Variants in SLC24A5 observed in about 807,000 individuals in gnomAD.
SLC24A5 encodes sodium/potassium/calcium exchanger 5.
Under a neutral mutation model 51.6 loss-of-function variants are expected in SLC24A5, and 46 were observed. That is an observed-to-expected ratio of 0.89 (90% CI 0.70 to 1.14). The LOEUF is 1.14. Among genes scored for constraint, SLC24A5 ranks in the 50% most tolerant of loss-of-function variants. SLC24A5 has a pLI of 0.00. For synonymous variants in SLC24A5, 230 were observed against 214.9 expected (o/e 1.07, Z -0.62); for missense variants, 581 against 604.1 (o/e 0.96, Z 0.40).
chr15:48,130,163 T>C (rs2038775347), intron 2 of SLC24A5, among the ~76,000 whole-genome samples: 1 of 152,126 alleles, frequency 6.6e-6, no homozygotes. Flanking sequence ...TTCTACTATA[T>C]CTTCCAGGAT....
Position 48,121,166 on chromosome 15 carries a change from G to A in SLC24A5, c.121+1G>A. The A allele has an allele frequency of 6.2e-7, 1 of 1,610,448 alleles. No homozygotes were observed. Among genetic ancestry groups the A allele is most frequent in the Non-Finnish European group, 8.5e-7 (1 of 1,178,162 alleles). On this transcript the variant is annotated splice_donor_variant, in intron 1 of 8. Coordinates refer to ENST00000341459, the MANE Select transcript of SLC24A5 (RefSeq NM_205850.3). LOFTEE classifies it high-confidence loss of function. Reference sequence around the variant, plus strand: ...CCCCAACGTCTCCCAAGGGCCACAGGTAGGTGGACATTGGGGTCAGTTAGC... The same window carrying A: ...CCCCAACGTCTCCCAAGGGCCACAGATAGGTGGACATTGGGGTCAGTTAGC...
chr15:48,121,346 A>G (rs1392077888), intron 1 of SLC24A5, among the ~76,000 whole-genome samples, 181 bp downstream of exon 1: 6 of 152,188 alleles, frequency 3.9e-5, no homozygotes, highest in Admixed American at 1.3e-4. Flanking sequence ...TCTTAAATAT[A>G]CTCCAAAGTA....
rs753165566 is a variant in SLC24A5, at chr15:48,136,715, G to C, written c.623G>C (p.Gly208Ala). 1.2e-6 allele frequency: 2 copies of C among 1,612,802 alleles called. No homozygotes were observed. Among genetic ancestry groups the C allele is most frequent in the Admixed American group, 1.7e-5 (1 of 59,902 alleles). Residue 208 changes from glycine to alanine, a missense_variant, in exon 6 of 9, where the codon GGA (glycine) becomes GCA (alanine). Coordinates refer to ENST00000341459, the MANE Select transcript of SLC24A5 (RefSeq NM_205850.3). ...GGGGCTTTACTGCTTTTGATATATGGATTGTATGTTTTGGTGCTGTGTTTT... is the reference window on the plus strand; with the variant it reads ...GGGGCTTTACTGCTTTTGATATATGCATTGTATGTTTTGGTGCTGTGTTTT... ...YEGALLLLIY[G>A]LYVLVLCFDI...
chr15:48,121,738 T>C (rs904082985), intron 1 of SLC24A5, 119 bp from the exon 2 acceptor site: 12 of 1,024,630 alleles, frequency 1.2e-5, no homozygotes, highest in Non-Finnish European at 1.8e-5. Context: ...ACATTTTCAG[T>C]GGGTCCTTAA....
intron 2 of SLC24A5, among the ~76,000 whole-genome samples, chr15:48,127,617 G>A (rs944374140): frequency 6.6e-6 from 1 of 152,108 alleles, no homozygotes; most frequent in Admixed American, 6.5e-5. Flanking sequence ...CCAGGAGTTC[G>A]AGACCAGCCT....
rs142497708 is a variant in SLC24A5 at position 48,142,032 on chromosome 15, A to G, written c.1184A>G (p.Lys395Arg). The stretch of plus-strand genomic sequence containing the variant: ...ACAGTATGCTTTTCTTTTGTAGGGA[A>G]AGGAGATATGGCTATGTCTAACATC... ...IASVLVARKG[K>R]GDMAMSNIVG... The change falls in exon 9 of 9, where the codon AAA becomes AGA. Residue 395 changes from lysine to arginine, a missense_variant. Coordinates refer to ENST00000341459, the MANE Select transcript of SLC24A5 (RefSeq NM_205850.3). The G allele has an allele frequency of 8.1e-6, 13 of 1,604,282 alleles. No homozygotes were observed. The African/African-American group carries it at 1.6e-4, about 20-fold the overall frequency.
intron 2 of SLC24A5, among the ~76,000 whole-genome samples, chr15:48,127,585 A>G (rs536163572): frequency 6.6e-6 from 1 of 152,212 alleles, no homozygotes; most frequent in Non-Finnish European, 1.5e-5. Flanking sequence ...TTGGGAGTCC[A>G]AGGTGGGTGG....
chr15:48,139,785 A>C (rs1281446203), intron 7 of SLC24A5: 1 of 152,164 alleles, frequency 6.6e-6, no homozygotes, highest in Non-Finnish European at 1.5e-5. Context: ...AAAGACAAAA[A>C]TAATCTGTAA....
intron 2 of SLC24A5, chr15:48,124,595 TAGG>T (rs139553719): frequency 3.3e-5 from 5 of 152,280 alleles, no homozygotes; most frequent in East Asian, 3.9e-4. Flanking sequence ...AAAATTATCT[TAGG>T]AGAAGTGAAA....
intron 6 of SLC24A5, chr15:48,137,263 G>A: frequency 3.6e-6 from 1 of 277,858 alleles, no homozygotes; most frequent in Non-Finnish European, 6.7e-6. Flanking sequence ...AGAGAAGGGA[G>A]CATTTAAATT....
chr15:48,128,813 G>A (rs1169509935), intron 2 of SLC24A5, among the ~76,000 whole-genome samples: 2 of 152,068 alleles, frequency 1.3e-5, no homozygotes, highest in East Asian at 3.9e-4. Context: ...TAAGTGCTAA[G>A]TACTCAGTAT....
intron 8 of SLC24A5, 83 bp downstream of exon 8, chr15:48,141,297 A>T: frequency 1.7e-6 from 2 of 1,188,560 alleles, no homozygotes; most frequent in Admixed American, 3.9e-5. Flanking sequence ...GTTTACTTCC[A>T]GCCGGGTGTG....
chr15:48,131,650 A>G (rs1380151760), intron 2 of SLC24A5, among the ~76,000 whole-genome samples: 1 of 152,158 alleles, frequency 6.6e-6, no homozygotes, highest in Non-Finnish European at 1.5e-5. Context: ...TTCCAGACAG[A>G]GGAATCATGA....
In SLC24A5 at chr15:48,121,082, C is replaced by T. The variant is rs771723766; in HGVS notation, c.38C>T (p.Ala13Val). The T allele has an allele frequency of 1.2e-6, 2 of 1,613,882 alleles. No individual in the cohort carries two copies. The highest frequency in any genetic ancestry group is 1.7e-6 in the Non-Finnish European group (2 of 1,179,936). ...TKGGQTWARRALLLGILWATA... is the reference protein window; with the variant it reads ...TKGGQTWARRVLLLGILWATA... ...GGGGGCCAAACATGGGCGAGAAGGG[C>T]TCTGTTGCTCGGCATCCTGTGGGCC... The change falls in exon 1 of 9, where the codon GCT becomes GTT. Residue 13 changes from alanine (A) to valine (V), a missense_variant. Transcript: ENST00000341459.
intron 5 of SLC24A5, chr15:48,135,984 C>CA (rs957423500): frequency 1.3e-5 from 2 of 152,076 alleles, no homozygotes; most frequent in African/African-American, 4.8e-5. Flanking sequence ...ATACAGCAGA[C>CA]AGAGATTCAC....
At position 48,142,465 on chromosome 15, in the gene SLC24A5, T is replaced by C. The variant is rs2039125908; in HGVS notation, c.*114T>C. The C allele has an allele frequency of 2.4e-6, 2 of 841,006 alleles. No homozygotes were observed. The highest frequency in any genetic ancestry group is 1.7e-6 in the Non-Finnish European group (1 of 589,076). 52.1% of individuals were successfully genotyped at this position (841,006 alleles called of 1,614,324 possible). ...ATCTTGAACCTTAGAATCTAAAACT[T>C]ACAGTAATTTAAAACCAACCAAAAT... On this transcript the variant is annotated 3_prime_UTR_variant, in exon 9 of 9. Coordinates refer to ENST00000341459, the MANE Select transcript of SLC24A5 (RefSeq NM_205850.3).
At chr15:48,125,918 AATCAC>A (rs1361447068) in intron 2 of SLC24A5, among the ~76,000 whole-genome samples, 5 of 152,140 alleles carry the variant, frequency 3.3e-5, no homozygotes, top group Non-Finnish European at 4.4e-5. Flanking sequence ...TCACTCCTCA[AATCAC>A]CACAGTGGCT....
Position 48,128,178 on chromosome 15 carries a change from A to G in SLC24A5, c.302-6080A>G, listed in dbSNP as rs190429600. Among the ~76,000 whole-genome samples the G allele has an allele frequency of 1.5e-3, 223 of 151,964 alleles. 2 individuals carry two copies. The highest frequency in any genetic ancestry group is 2.8e-4 in the Non-Finnish European group (19 of 67,950). The stretch of plus-strand genomic sequence containing the variant: ...CACTGTTCTGGGCAGGTTTCTTTAT[A>G]TTTTTCCAAACTATATACATAGAAA... On this transcript the variant is annotated intron_variant, in intron 2 of 8. Coordinates refer to ENST00000341459, the MANE Select transcript of SLC24A5 (RefSeq NM_205850.3).
chr15:48,138,209 T>G (rs998396719), intron 6 of SLC24A5: 1 of 152,078 alleles, frequency 6.6e-6, no homozygotes, highest in Non-Finnish European at 1.5e-5. Context: ...GTACTAACAT[T>G]AGTTTTAACA....
Sources: allele counts gnomAD v4.1 joint callset (sites outside exome capture counted in the v4.1 genomes callset), GRCh38; gene constraint gnomAD v4.1.1; transcripts MANE v1.5; gene names NCBI Gene and HGNC (gene_info 2026-07-23, HGNC 2026-07-21).